Variants in NR3C1 observed in about 807,000 individuals in gnomAD.
NR3C1 encodes the protein glucocorticoid receptor.
NR3C1 carries 14 observed loss-of-function variants against 74.0 expected under a neutral mutation model. That is an observed-to-expected ratio of 0.19 (90% confidence interval 0.12 to 0.30). The LOEUF is 0.30. Among genes scored for constraint, NR3C1 ranks in the 10% least tolerant of loss-of-function variants. The pLI, the probability that NR3C1 is intolerant of heterozygous loss-of-function variation, is 1.00. For missense variants in NR3C1, 695 were observed against 909.8 expected (o/e 0.76, Z 3.04); for synonymous variants, 308 against 332.5 (o/e 0.93, Z 0.80).
At chr5:143,404,180 G>C, upstream of NR3C1, 1 of 985,506 alleles carries the variant, frequency 1.0e-6, no homozygotes, top group Non-Finnish European at 1.2e-6. Context: ...CGCCTCCCGC[G>C]GCTGAGCTGC....
intron 1 of NR3C1, among the ~76,000 whole-genome samples, chr5:143,424,222 TAAAA>T (rs1751409730): frequency 3.4e-5 from 4 of 116,030 alleles, no homozygotes; most frequent in African/African-American, 1.3e-4. Flanking sequence ...TAATAATAAA[TAAAA>T]TAAAAAATAA....
intron 6 of NR3C1, among the ~76,000 whole-genome samples, chr5:143,296,839 G>T (rs258814): frequency 0.27 from 41,709 of 151,866 alleles, 6,007 homozygotes; most frequent in Non-Finnish European, 0.32. Context: ...CACTTTGGGA[G>T]GCCAAAGTGG....
chr5:143,418,388 G>A (rs1206754620), intron 1 of NR3C1, among the ~76,000 whole-genome samples: 1 of 152,182 alleles, frequency 6.6e-6, no homozygotes, highest in Non-Finnish European at 1.5e-5. Flanking sequence ...ATTTGGGCAA[G>A]TTACTTTTCC....
At chr5:143,328,067 C>T (rs932467192) in intron 2 of NR3C1, among the ~76,000 whole-genome samples, 1 of 152,256 alleles carries the variant, frequency 6.6e-6, no homozygotes, top group Non-Finnish European at 1.5e-5. Context: ...TCTGCCTGGA[C>T]ATCCAGGCGT....
intron 2 of NR3C1, among the ~76,000 whole-genome samples, chr5:143,327,330 G>A (rs1208918490): frequency 6.6e-6 from 1 of 152,006 alleles, no homozygotes; most frequent in Non-Finnish European, 1.5e-5. Context: ...TGATCCAACT[G>A]CCTCCCACCA....
chr5:143,337,494 A>G (rs1000708676), intron 2 of NR3C1, among the ~76,000 whole-genome samples: 1 of 152,248 alleles, frequency 6.6e-6, no homozygotes, highest in Admixed American at 6.5e-5. Context: ...ATACTTGTAA[A>G]TAAATTAATG....
chr5:143,286,093 A>G (rs968873773), intron 7 of NR3C1, among the ~76,000 whole-genome samples: 1 of 152,114 alleles, frequency 6.6e-6, no homozygotes, highest in Non-Finnish European at 1.5e-5. Context: ...ACTTAACTTT[A>G]TACCAATAAA....
rs986874020 is a variant in NR3C1, at chr5:143,280,586, G to C, written c.*1303C>G. On this transcript the variant is annotated 3_prime_UTR_variant, in exon 9 of 9. Coordinates refer to ENST00000394464, the MANE Select transcript of NR3C1 (RefSeq NM_000176.3). ...CAGTGAAGAAATTCACAGGACTTGT[G>C]TTAAACTCTATGGCACACATTAGGG... The C allele has an allele frequency of 1.3e-5, 2 of 152,566 alleles. No individual in the cohort carries two copies. The highest frequency in any genetic ancestry group is 4.8e-5 in the African/African-American group (2 of 41,428). The allele number at this position is 152,566 out of a possible 1,614,324, so 9.5% of individuals were successfully genotyped here. A position where few individuals can be genotyped will look rare whatever the true frequency, so the allele number is the denominator to read the frequency against.
intron 2 of NR3C1, among the ~76,000 whole-genome samples, chr5:143,339,879 C>G (rs1827866049): frequency 6.6e-6 from 1 of 152,136 alleles, no homozygotes; most frequent in Non-Finnish European, 1.5e-5. Context: ...GAAAAATTAA[C>G]AGAACTTCAT....
At position 143,402,658 on chromosome 5, in the gene NR3C1, G is replaced by C. The variant is rs1840527400; in HGVS notation, c.-14+553C>G. 9 of 985,348 alleles carry C rather than the reference G, an allele frequency of 9.1e-6. No individual in the cohort carries two copies. In the South Asian group the frequency reaches 4.2e-4, roughly 46 times the overall value. The allele number at this position is 985,348 out of a possible 1,614,324, so 61.0% of individuals were successfully genotyped here. A position where few individuals can be genotyped will look rare whatever the true frequency, so the allele number is the denominator to read the frequency against. On this transcript the variant is annotated intron_variant, in intron 1 of 8. Transcript: ENST00000394464. ...CTAACAGATAACGCCGGCCCCGGCC[G>C]CAGTCTCCAAGTTGCGGGCTGTCAG...
chr5:143,299,072 T>C (rs1041686952), intron 5 of NR3C1, among the ~76,000 whole-genome samples: 1 of 145,370 alleles, frequency 6.9e-6, no homozygotes, highest in African/African-American at 2.5e-5. Flanking sequence ...TGGAGTGCAA[T>C]GGTGCCATCT....
chr5:143,417,456 GAC>G (rs1440168622), intron 1 of NR3C1, among the ~76,000 whole-genome samples: 1 of 152,020 alleles, frequency 6.6e-6, no homozygotes, highest in Admixed American at 6.6e-5. Context: ...CCTCCTAGTA[GAC>G]ACATGTCTTT....
At chr5:143,332,873 C>A in intron 2 of NR3C1, 1 of 1,478,882 alleles carries the variant, frequency 6.8e-7, no homozygotes. Flanking sequence ...AAGTTACCCC[C>A]TAGAATCTAA....
intron 2 of NR3C1, among the ~76,000 whole-genome samples, chr5:143,315,021 GATT>G (rs1486797690): frequency 1.3e-5 from 2 of 152,230 alleles, no homozygotes; most frequent in East Asian, 3.9e-4. Flanking sequence ...CAGGTCTAGT[GATT>G]ATTAGCTGTT....
chr5:143,416,809 G>A (rs1841492172), intron 1 of NR3C1, among the ~76,000 whole-genome samples: 1 of 152,196 alleles, frequency 6.6e-6, no homozygotes. Context: ...TGCTTCACAA[G>A]TTTGGCTCGA....
intron 2 of NR3C1, among the ~76,000 whole-genome samples, chr5:143,362,037 T>C (rs1364440416): frequency 6.6e-6 from 1 of 152,206 alleles, no homozygotes; most frequent in African/African-American, 2.4e-5. Context: ...TTTAAAACAA[T>C]GTCAGCAAAA....
At chr5:143,405,987 C>A (rs569963326), upstream of NR3C1, among the ~76,000 whole-genome samples, 1 of 152,212 alleles carries the variant, frequency 6.6e-6, no homozygotes, top group South Asian at 2.1e-4. Flanking sequence ...CAAATCAAGA[C>A]CCAACCCTAC....
At chr5:143,428,055 G>T (rs1488967396) in intron 1 of NR3C1, among the ~76,000 whole-genome samples, 1 of 152,098 alleles carries the variant, frequency 6.6e-6, no homozygotes, top group African/African-American at 2.4e-5. Flanking sequence ...ACTAAAATGG[G>T]CTTTTTGACT....
At chr5:143,432,357 G>T (rs1204592441) in intron 1 of NR3C1, among the ~76,000 whole-genome samples, 1 of 152,198 alleles carries the variant, frequency 6.6e-6, no homozygotes, top group Non-Finnish European at 1.5e-5. Context: ...CATTGGTCCT[G>T]CAGGATTTCC....
Sources: allele counts gnomAD v4.1 joint callset (sites outside exome capture counted in the v4.1 genomes callset), GRCh38; gene constraint gnomAD v4.1.1; transcripts MANE v1.5; gene names NCBI Gene and HGNC (gene_info 2026-07-23, HGNC 2026-07-21).